ESCO1: variants seen among roughly 807,000 people sequenced by gnomAD.
ESCO1 encodes N-acetyltransferase ESCO1.
ESCO1 carries 33 observed loss-of-function variants against 83.5 expected under a neutral mutation model. The observed-to-expected ratio is 0.40, with a 90% CI of 0.30 to 0.53. ESCO1 has a LOEUF of 0.53. Among genes scored for constraint, ESCO1 ranks in the 20% least tolerant of loss-of-function variants. The pLI is 0.63. For synonymous variants in ESCO1, 332 were observed against 324.3 expected (o/e 1.02, Z -0.25); for missense variants, 855 against 968.0 (o/e 0.88, Z 1.55).
chr18:21,536,087 A>G lies in ESCO1; in HGVS notation c.2142T>C (p.Asn714=). Residue 714 remains asparagine, a synonymous_variant, in exon 10 of 12, where the codon AAT becomes AAC. Coordinates refer to ENST00000269214, the MANE Select transcript of ESCO1 (RefSeq NM_052911.3). ...SRTKTLLFIS[N]DKKVVGCLIA... is the part of the protein sequence containing the mutation. ...TTAGGCAGCCAACTACTTTTTTGTCATTGGAAATGAAGAGAAGTGTTTTAG... is the reference window on the plus strand; with the variant it reads ...TTAGGCAGCCAACTACTTTTTTGTCGTTGGAAATGAAGAGAAGTGTTTTAG... 6.2e-7 allele frequency: 1 copy of G among 1,614,124 alleles called. No individual in the cohort carries two copies. The highest frequency in any genetic ancestry group is 8.5e-7 in the Non-Finnish European group (1 of 1,180,004).
intron 8 of ESCO1, among the ~76,000 whole-genome samples, chr18:21,560,574 C>T (rs899336996): frequency 1.3e-5 from 2 of 151,958 alleles, no homozygotes; most frequent in African/African-American, 4.8e-5. Context: ...TATTAAAAAA[C>T]ATACAAGTTA....
chr18:21,533,447 C>T (rs546772451), intron 10 of ESCO1, among the ~76,000 whole-genome samples: 31 of 152,150 alleles, frequency 2.0e-4, no homozygotes, highest in African/African-American at 6.0e-4. Context: ...AGGCACGCAC[C>T]GCCATGCCCG....
intron 8 of ESCO1, among the ~76,000 whole-genome samples, chr18:21,542,243 T>C (rs2037916382): frequency 6.6e-6 from 1 of 152,170 alleles, no homozygotes; most frequent in South Asian, 2.1e-4. Context: ...TGGAGTGCAG[T>C]GGCAAGATCA....
At chr18:21,533,335 G>A (rs992766165) in intron 10 of ESCO1, among the ~76,000 whole-genome samples, 5 of 151,878 alleles carry the variant, frequency 3.3e-5, no homozygotes, top group Admixed American at 6.6e-5. Context: ...TTCTTCTGTC[G>A]CCCAGGCTGG....
Position 21,530,282 on chromosome 18 carries a change from G to C in ESCO1, c.*61C>G. 2 of 1,403,952 alleles carry C rather than the reference G, an allele frequency of 1.4e-6. No homozygotes were observed. The highest frequency in any genetic ancestry group is 3.8e-5 in the South Asian group (2 of 52,764). The allele number at this position is 1,403,952 out of a possible 1,614,324, so 87.0% of individuals were successfully genotyped here. A position where few individuals can be genotyped will look rare whatever the true frequency, so the allele number is the denominator to read the frequency against. ...AAAATGGCCCTAGTTCCTGGTTAAA[G>C]TCAGCAACCAATCCATTCTCTTCAA... is the stretch of plus-strand genomic sequence containing the variant. On this transcript the variant is annotated 3_prime_UTR_variant, in exon 12 of 12. Coordinates refer to ENST00000269214, the MANE Select transcript of ESCO1 (RefSeq NM_052911.3).
At chr18:21,565,576 T>C (rs1452626692) in intron 6 of ESCO1, among the ~76,000 whole-genome samples, 1 of 152,194 alleles carries the variant, frequency 6.6e-6, no homozygotes, top group Non-Finnish European at 1.5e-5. Context: ...ATCCAAAATG[T>C]TCATAAAGCA....
chr18:21,590,716 G>A (rs972731479), intron 1 of ESCO1, among the ~76,000 whole-genome samples: 9 of 151,972 alleles, frequency 5.9e-5, no homozygotes, highest in African/African-American at 1.4e-4. Flanking sequence ...TTGGGAGGCC[G>A]AGGTGGGCAG....
At chr18:21,599,219 C>A (rs922674683) in intron 1 of ESCO1, among the ~76,000 whole-genome samples, 3 of 152,128 alleles carry the variant, frequency 2.0e-5, no homozygotes, top group Non-Finnish European at 4.4e-5. Flanking sequence ...CGCCTGTAGT[C>A]TCAGCCACTC....
At chr18:21,566,308 T>C in intron 5 of ESCO1, 102 bp from the exon 6 acceptor site, 1 of 972,140 alleles carries the variant, frequency 1.0e-6, no homozygotes, top group Non-Finnish European at 1.5e-6. Context: ...CTTCAATGCA[T>C]TAAATGACTT....
chr18:21,565,771 T>TA (rs2038251412), intron 6 of ESCO1, among the ~76,000 whole-genome samples: 1 of 151,984 alleles, frequency 6.6e-6, no homozygotes, highest in Non-Finnish European at 1.5e-5. Context: ...ACCTTCTCTC[T>TA]AAAAAAAGAA....
At chr18:21,596,238 C>A (rs201037828) in intron 1 of ESCO1, among the ~76,000 whole-genome samples, 5 of 148,692 alleles carry the variant, frequency 3.4e-5, no homozygotes, top group Admixed American at 2.0e-4. Context: ...AAAAACAAAA[C>A]AAAAAAAAAC....
chr18:21,585,350 G>A (rs972921423), intron 1 of ESCO1, among the ~76,000 whole-genome samples: 2 of 151,994 alleles, frequency 1.3e-5, no homozygotes, highest in African/African-American at 2.4e-5. Context: ...TGACCTGATC[G>A]TCTTGGCCAC....
intron 8 of ESCO1, among the ~76,000 whole-genome samples, chr18:21,547,353 GA>G (rs34904471): frequency 0.96 from 130,662 of 136,598 alleles, 62,592 homozygotes; most frequent in South Asian, 0.99. Flanking sequence ...TTACAGATTT[GA>G]AAAAAAAAAA....
rs1305806677 is a variant in ESCO1, at chr18:21,540,686, A to T, written c.1954-677T>A. The T allele has an allele frequency of 6.2e-6, 8 of 1,298,002 alleles. No individual in the cohort carries two copies. The East Asian group carries it at 4.1e-4, about 66-fold the overall frequency. 80.4% of individuals were successfully genotyped at this position (1,298,002 alleles called of 1,614,324 possible). A position where few individuals can be genotyped will look rare whatever the true frequency, so the allele number is the denominator to read the frequency against. Reference sequence around the variant, plus strand: ...CTTCTTCAGATCCACACTCGTGGTGATTAATGAGCAGAACCTGCATAAAAA... The same window carrying T: ...CTTCTTCAGATCCACACTCGTGGTGTTTAATGAGCAGAACCTGCATAAAAA... On this transcript the variant is annotated intron_variant, in intron 8 of 11. Transcript: ENST00000269214.
chr18:21,577,315 C>G (rs1303175470), intron 2 of ESCO1, among the ~76,000 whole-genome samples: 18 of 145,008 alleles, frequency 1.2e-4, no homozygotes, highest in Non-Finnish European at 2.1e-4. Flanking sequence ...TGAGATCATG[C>G]CATTGCACTC....
chr18:21,568,214 G>A, intron 4 of ESCO1, 120 bp from the exon 5 acceptor site: 1 of 679,582 alleles, frequency 1.5e-6, no homozygotes, highest in Middle Eastern at 3.8e-4. Context: ...AATTAATACA[G>A]ACATGAAGTC....
chr18:21,584,524 C>T (rs1199351743), intron 1 of ESCO1, 84 bp from the exon 2 acceptor site: 2 of 151,890 alleles, frequency 1.3e-5, no homozygotes, highest in Non-Finnish European at 2.9e-5. Flanking sequence ...AAAAATGGCC[C>T]AGTCAGGTGC....
intron 8 of ESCO1, among the ~76,000 whole-genome samples, chr18:21,552,440 C>T (rs1357568538): frequency 6.6e-6 from 1 of 152,138 alleles, no homozygotes; most frequent in African/African-American, 2.4e-5. Context: ...GGGTTTTCCC[C>T]GTTTGCTCGG....
chr18:21,530,691 G>C (rs111573401), intron 11 of ESCO1, among the ~76,000 whole-genome samples: 64 of 152,078 alleles, frequency 4.2e-4, no homozygotes, highest in African/African-American at 1.5e-3. Flanking sequence ...TTTAATAAAA[G>C]CAACAATGTA....
Sources: allele counts gnomAD v4.1 joint callset (sites outside exome capture counted in the v4.1 genomes callset), GRCh38; gene constraint gnomAD v4.1.1; transcripts MANE v1.5; gene names NCBI Gene and HGNC (gene_info 2026-07-23, HGNC 2026-07-21).